Variants in PKHD1 observed in about 807,000 individuals in gnomAD.
PKHD1 encodes PKHD1 ciliary IPT domain containing fibrocystin/polyductin.
Under a neutral mutation model 412.0 loss-of-function variants are expected in PKHD1, and 291 were observed. The observed-to-expected ratio is 0.71, with a 90% confidence interval of 0.64 to 0.78. PKHD1 has a LOEUF of 0.78. Ranked by LOEUF, PKHD1 falls within the 30% of genes least tolerant of loss-of-function variation. PKHD1 has a pLI of 0.00. For synonymous variants in PKHD1, 1,777 were observed against 1,821.5 expected (o/e 0.98, Z 0.62); for missense variants, 4,825 against 4,950.7 (o/e 0.97, Z 0.76).
intron 36 of PKHD1, among the ~76,000 whole-genome samples, chr6:51,952,524 A>G (rs1790512207): frequency 1.3e-5 from 2 of 152,174 alleles, no homozygotes; most frequent in Non-Finnish European, 2.9e-5. Context: ...CTAGACCTTT[A>G]TAAGCCTCCA....
intron 6 of PKHD1, among the ~76,000 whole-genome samples, chr6:52,075,828 A>T (rs1383107228): frequency 5.3e-5 from 8 of 152,040 alleles, no homozygotes; most frequent in Non-Finnish European, 1.0e-4. Flanking sequence ...ACCTTTTGCT[A>T]CCTCATTTCT....
chr6:51,911,262 A>C (rs887115900), intron 39 of PKHD1, among the ~76,000 whole-genome samples: 5 of 152,162 alleles, frequency 3.3e-5, no homozygotes, highest in Non-Finnish European at 4.4e-5. Context: ...TCCCTGAAAT[A>C]GATGCTTAAT....
intron 35 of PKHD1, among the ~76,000 whole-genome samples, chr6:52,004,298 A>T (rs1798792434): frequency 6.6e-6 from 1 of 152,164 alleles, no homozygotes; most frequent in South Asian, 2.1e-4. Context: ...AATTTTCAGT[A>T]CAGATATTAT....
chr6:51,787,100 C>T (rs1279067288), intron 53 of PKHD1, among the ~76,000 whole-genome samples: 4 of 152,268 alleles, frequency 2.6e-5, no homozygotes, highest in Middle Eastern at 3.4e-3. Context: ...GTGGCTCATG[C>T]CTATAATCCC....
chr6:51,938,275 T>A (rs1206572373), intron 36 of PKHD1, among the ~76,000 whole-genome samples: 2 of 152,208 alleles, frequency 1.3e-5, no homozygotes, highest in Non-Finnish European at 2.9e-5. Flanking sequence ...AGCCATCATA[T>A]CCCCTGTGAC....
At chr6:51,940,154 G>A (rs1281914447) in intron 36 of PKHD1, among the ~76,000 whole-genome samples, 1 of 151,470 alleles carries the variant, frequency 6.6e-6, no homozygotes, top group Non-Finnish European at 1.5e-5. Context: ...ACCCTAAAAG[G>A]TCAAAAGGCC....
Position 52,024,780 on chromosome 6 carries a change from A to T in PKHD1, c.5030T>A (p.Ile1677Asn). ...DDILTFAVAQ[I>N]SGAANIDIFI... ...AATGTCAATGTTTGCAGCTCCTGAG[A>T]TCTGGGCCACTGCAAAGGTTAAGAT... Residue 1677 changes from isoleucine (I) to asparagine (N), a missense_variant, in exon 32 of 67, where the codon ATC becomes AAC. Physicochemically the swap from Ile to Asn is moderately radical, Grantham distance 149 (BLOSUM62 -3). Coordinates refer to ENST00000371117, the MANE Select transcript of PKHD1 (RefSeq NM_138694.4). 1 of 1,614,202 alleles carries T rather than the reference A, an allele frequency of 6.2e-7. No individual in the cohort carries two copies. Among genetic ancestry groups the T allele is most frequent in the Non-Finnish European group, 8.5e-7 (1 of 1,180,036 alleles).
intron 48 of PKHD1, among the ~76,000 whole-genome samples, chr6:51,858,476 A>G (rs543855173): frequency 6.6e-6 from 1 of 152,362 alleles, no homozygotes; most frequent in Non-Finnish European, 1.5e-5. Flanking sequence ...AATTGGCTAC[A>G]GTAGGTACTG....
At chr6:51,721,533 A>G in intron 60 of PKHD1, 1 of 985,820 alleles carries the variant, frequency 1.0e-6, no homozygotes, top group Non-Finnish European at 1.2e-6. Flanking sequence ...ATTTATCTCC[A>G]AAGCTCTAAT....
At chr6:51,764,515 A>G (rs932794553) in intron 55 of PKHD1, among the ~76,000 whole-genome samples, 6 of 147,068 alleles carry the variant, frequency 4.1e-5, no homozygotes, top group South Asian at 2.4e-4. Context: ...GCGATTCCTC[A>G]GGGATCTAGA....
intron 46 of PKHD1, among the ~76,000 whole-genome samples, chr6:51,881,972 AC>A: frequency 6.6e-6 from 1 of 152,134 alleles, no homozygotes; most frequent in East Asian, 1.9e-4. Context: ...CATGATAGCC[AC>A]CCTTTTGTCA....
At chr6:51,623,962 T>G (rs1766941107) in intron 66 of PKHD1, among the ~76,000 whole-genome samples, 1 of 152,206 alleles carries the variant, frequency 6.6e-6, no homozygotes, top group African/African-American at 2.4e-5. Flanking sequence ...ATGACTTATG[T>G]GTTTTCCTCA....
rs540560210 is a variant in PKHD1 at position 51,658,613 on chromosome 6, C to T, written c.11174+339G>A. Among the ~76,000 whole-genome samples, 7 of 152,112 alleles carry T rather than the reference C, an allele frequency of 4.6e-5. No individual in the cohort carries two copies. In the South Asian group the frequency reaches 1.5e-3, roughly 32 times the overall value. ...CACTTTACCAACCCTAGAACCTAGC[C>T]CATTGCTTAAATTCATTAAATAAAT... is the stretch of plus-strand genomic sequence containing the variant. On this transcript the variant is annotated intron_variant, in intron 61 of 66. Coordinates refer to ENST00000371117, the MANE Select transcript of PKHD1 (RefSeq NM_138694.4).
chr6:51,797,411 A>G (rs553572486), intron 52 of PKHD1, among the ~76,000 whole-genome samples: 88 of 152,218 alleles, frequency 5.8e-4, no homozygotes, highest in Non-Finnish European at 9.4e-4. Flanking sequence ...TTAAAGTCTC[A>G]CACTATTATT....
intron 55 of PKHD1, among the ~76,000 whole-genome samples, chr6:51,760,096 A>G (rs924502873): frequency 2.0e-5 from 3 of 152,254 alleles, no homozygotes; most frequent in Admixed American, 6.6e-5. Context: ...CACCAACTCT[A>G]TATTCTAATA....
intron 66 of PKHD1, among the ~76,000 whole-genome samples, chr6:51,619,850 C>T (rs1487213205): frequency 1.3e-5 from 2 of 152,052 alleles, no homozygotes; most frequent in Non-Finnish European, 2.9e-5. Flanking sequence ...TACCAACAGG[C>T]CAACTTACCA....
chr6:51,801,833 T>C (rs10498792), intron 52 of PKHD1, among the ~76,000 whole-genome samples: 23,386 of 152,146 alleles, frequency 0.15, 2,044 homozygotes, highest in African/African-American at 0.24. Context: ...ATAATTCCCA[T>C]AGTAGAATAA....
intron 27 of PKHD1, 47 bp from the exon 28 acceptor site, chr6:52,035,768 C>T (rs1372834400): frequency 1.9e-6 from 3 of 1,592,432 alleles, no homozygotes; most frequent in Non-Finnish European, 2.6e-6. Flanking sequence ...ACCATACAGG[C>T]AGACAAAAAT....
chr6:51,648,048 G>A lies in PKHD1; in HGVS notation c.11381C>T (p.Ser3794Leu). ...WTISASLEGASDSVLKGCTQA... is the reference protein window; with the variant it reads ...WTISASLEGALDSVLKGCTQA... ...TTACCTACCTTTTAGCACTGAGTCT[G>A]ATGCTCCTTCCAGGGAAGCTGAAAT... The change falls in exon 63 of 67, where the codon TCA (serine) becomes TTA (leucine). Residue 3794 changes from serine (S) to leucine (L), a missense_variant. Transcript: ENST00000371117. 1 of 1,597,556 alleles carries A rather than the reference G, an allele frequency of 6.3e-7. No homozygotes were observed. The highest frequency in any genetic ancestry group is 8.6e-7 in the Non-Finnish European group (1 of 1,164,916).
Sources: allele counts gnomAD v4.1 joint callset (sites outside exome capture counted in the v4.1 genomes callset), GRCh38; gene constraint gnomAD v4.1.1; transcripts MANE v1.5; gene names NCBI Gene and HGNC (gene_info 2026-07-23, HGNC 2026-07-21).